ADGRV1: variants seen among roughly 807,000 people sequenced by gnomAD.
ADGRV1 encodes the protein adhesion G protein-coupled receptor V1, also known as G-protein coupled receptor 98.
ADGRV1 carries 359 observed loss-of-function variants against 596.2 expected under a neutral mutation model. That is an observed-to-expected ratio of 0.60 (90% confidence interval 0.55 to 0.66). The LOEUF (loss-of-function observed/expected upper bound fraction) is 0.66, where lower values mean the gene tolerates loss of function less well. Among genes scored for constraint, ADGRV1 ranks in the 30% least tolerant of loss-of-function variants. ADGRV1 has a pLI of 0.00. For missense variants in ADGRV1, 7,274 were observed against 7,575.6 expected (o/e 0.96, Z 1.48); for synonymous variants, 2,681 against 2,679.2 (o/e 1.00, Z -0.02).
At position 90,783,296 on chromosome 5, in the gene ADGRV1, A is replaced by G; in HGVS notation, c.13404A>G (p.Ile4468Met). The G allele has an allele frequency of 6.2e-7, 1 of 1,612,542 alleles. No individual in the cohort carries two copies. The highest frequency in any genetic ancestry group is 8.5e-7 in the Non-Finnish European group (1 of 1,178,774). Residue 4468 changes from isoleucine (I) to methionine (M), a missense_variant, in exon 66 of 90, where the codon ATA becomes ATG. This residue lies in a region of ADGRV1 where 3,643 missense variants were observed against 3,809.2 expected (regional missense o/e 0.96). Coordinates refer to ENST00000405460, the MANE Select transcript of ADGRV1 (RefSeq NM_032119.4). Reference sequence around the variant, plus strand: ...AGCATGGGCAAAACTTAAGTTTTATAAATATCTCCATCATTGATGACAATG... The same window carrying G: ...AGCATGGGCAAAACTTAAGTTTTATGAATATCTCCATCATTGATGACAATG... The part of the protein sequence containing the change: ...TFQHGQNLSF[I>M]NISIIDDNES...
chr5:90,871,888 GA>G (rs1026795725), intron 83 of ADGRV1, among the ~76,000 whole-genome samples: 2 of 152,168 alleles, frequency 1.3e-5, no homozygotes, highest in African/African-American at 4.8e-5. Flanking sequence ...AAAATAATAA[GA>G]ATGCCTGATT....
chr5:90,755,753 A>G (rs1339458494), intron 55 of ADGRV1, among the ~76,000 whole-genome samples: 1 of 150,118 alleles, frequency 6.7e-6, no homozygotes, highest in Non-Finnish European at 1.5e-5. Context: ...GATTAGTGTT[A>G]ATAATATTAT....
chr5:90,652,583 C>T lies in ADGRV1; in HGVS notation c.3634+20C>T, dbSNP rs1232509878. The stretch of plus-strand genomic sequence containing the variant: ...TTTCAGGTACTGTGTTTTTCCATGT[C>T]TTATTTTATTTCCATGTCTTATTTA... On this transcript the variant is annotated intron_variant, in intron 19 of 89. Coordinates refer to ENST00000405460, the MANE Select transcript of ADGRV1 (RefSeq NM_032119.4). 3 of 1,462,916 alleles carry T rather than the reference C, an allele frequency of 2.1e-6. No individual in the cohort carries two copies. Among genetic ancestry groups the T allele is most frequent in the East Asian group, 2.3e-5 (1 of 42,636 alleles). 90.6% of individuals were successfully genotyped at this position (1,462,916 alleles called of 1,614,324 possible).
chr5:90,647,811 A>G (rs755048836), intron 17 of ADGRV1, 47 bp downstream of exon 17: 1 of 1,534,860 alleles, frequency 6.5e-7, no homozygotes, highest in South Asian at 1.2e-5. Context: ...CAGTGCTTTA[A>G]TAAGATGAAA....
chr5:90,738,953 C>G (rs958813624), intron 50 of ADGRV1, among the ~76,000 whole-genome samples: 1 of 152,086 alleles, frequency 6.6e-6, no homozygotes, highest in Admixed American at 6.5e-5. Context: ...GATTGTGTCA[C>G]ATAATTCCTA....
At chr5:91,161,525 T>TC (rs372626430) in intron 89 of ADGRV1, among the ~76,000 whole-genome samples, 13 of 150,650 alleles carry the variant, frequency 8.6e-5, no homozygotes, top group East Asian at 3.9e-4. Context: ...TTTTTTTTTT[T>TC]CAAGAGAAAC....
intron 83 of ADGRV1, among the ~76,000 whole-genome samples, chr5:90,938,604 T>G (rs1311171493): frequency 6.6e-6 from 1 of 152,142 alleles, no homozygotes; most frequent in African/African-American, 2.4e-5. Context: ...TCCCTTTCAC[T>G]CAACACATAT....
chr5:91,076,437 T>G (rs1450615820), intron 86 of ADGRV1, among the ~76,000 whole-genome samples: 2 of 152,192 alleles, frequency 1.3e-5, no homozygotes, highest in African/African-American at 4.8e-5. Context: ...TATTCATCTC[T>G]GTATCCCCAG....
Position 90,788,304 on chromosome 5 carries a change from A to G in ADGRV1, c.13887A>G (p.Thr4629=), listed in dbSNP as rs755350767. 1.0e-4 allele frequency: 169 copies of G among 1,610,434 alleles called. 2 individuals are homozygous for G. The South Asian group carries it at 1.1e-3, about 10-fold the overall frequency. The change falls in exon 68 of 90, where the codon ACA becomes ACG. Residue 4629 remains threonine (T), a synonymous_variant. Coordinates refer to ENST00000405460, the MANE Select transcript of ADGRV1 (RefSeq NM_032119.4). The part of the protein sequence containing the change: ...AKLDSRAKDV[T]LTIQEFGDPN... ...TAGACTCCAGAGCTAAAGATGTTAC[A>G]TTAACCGTATGTATGGCTTTATTTT... is the stretch of plus-strand genomic sequence containing the variant.
At chr5:90,883,631 T>C (rs960105408) in intron 83 of ADGRV1, among the ~76,000 whole-genome samples, 2 of 152,160 alleles carry the variant, frequency 1.3e-5, no homozygotes, top group African/African-American at 4.8e-5. Flanking sequence ...TATTCCTCCT[T>C]CTAACTGCTA....
rs140743705 is a variant in ADGRV1, at chr5:91,005,272, T to C, written c.18152+19750T>C. ...AGAAAAAGACAACGTAAGATACTTA[T>C]GTAAAGAAATTTAACAGAATTTTAA... On this transcript the variant is annotated intron_variant, in intron 85 of 89. Transcript: ENST00000405460. 4.8e-4 allele frequency among the ~76,000 whole-genome samples: 73 copies of C among 152,314 alleles called. 1 individual carries two copies. The East Asian group carries it at 9.6e-3, about 20-fold the overall frequency.
At chr5:90,734,464 G>T (rs1445804718) in intron 50 of ADGRV1, among the ~76,000 whole-genome samples, 1 of 151,776 alleles carries the variant, frequency 6.6e-6, no homozygotes, top group African/African-American at 2.4e-5. Flanking sequence ...TGAGGTGATA[G>T]CTTATTTTGG....
At position 90,646,032 on chromosome 5, in the gene ADGRV1, G is replaced by A. The variant is rs779807154; in HGVS notation, c.2963G>A (p.Gly988Glu). 10 of 1,605,868 alleles carry A rather than the reference G, an allele frequency of 6.2e-6. No individual in the cohort carries two copies. Among genetic ancestry groups the A allele is most frequent in the Non-Finnish European group, 7.7e-6 (9 of 1,175,506 alleles). ...AATGGCACTGGAGGAGCTAAAGTGG[G>A]AAATAGAACAACTGCAACTCTGAGG... The part of the protein sequence containing the change: ...LLNGTGGAKV[G>E]NRTTATLRIR... The change falls in exon 16 of 90, where the codon GGA (glycine) becomes GAA (glutamate). Residue 988 changes from glycine to glutamate, a missense_variant. Gly to Glu is a moderately conservative substitution (Grantham distance 98). This residue lies in a region of ADGRV1 where 1,715 missense variants were observed against 1,708.8 expected (regional missense o/e 1.00). Transcript: ENST00000405460.
In ADGRV1 at chr5:91,164,147, GT is replaced by G. The variant is rs1416845848; in HGVS notation, c.*254del. ...TGTTCATATTCCAAGGATATTAGTT[GT>G]TTTTTTAATCATCCTATATGGCTAA... On this transcript the variant is annotated 3_prime_UTR_variant, in exon 90 of 90. Transcript: ENST00000405460. The G allele has an allele frequency of 9.1e-6, 5 of 549,486 alleles. No homozygotes were observed. Among genetic ancestry groups the G allele is most frequent in the Admixed American group, 2.5e-5 (1 of 40,070 alleles). 34.0% of individuals were successfully genotyped at this position (549,486 alleles called of 1,614,324 possible).
Position 90,777,963 on chromosome 5 carries a change from C to G in ADGRV1, c.12586C>G (p.Pro4196Ala). The G allele has an allele frequency of 6.2e-7, 1 of 1,611,920 alleles. No individual in the cohort carries two copies. The highest frequency in any genetic ancestry group is 8.5e-7 in the Non-Finnish European group (1 of 1,179,002). Residue 4196 changes from proline to alanine, a missense_variant, in exon 62 of 90, where the codon CCT becomes GCT. Around this residue, in one of 5 missense-constraint regions of ADGRV1, gnomAD observed 3,643 missense variants for 3,809.2 expected, o/e 0.96. Coordinates refer to ENST00000405460, the MANE Select transcript of ADGRV1 (RefSeq NM_032119.4). ...CACAGTGTTCTGGAGGATATTCCCTCCTTCCGTGGGGGAATTTGCTGAAAC... is the reference window on the plus strand; with the variant it reads ...CACAGTGTTCTGGAGGATATTCCCTGCTTCCGTGGGGGAATTTGCTGAAAC... The part of the protein sequence containing the change: ...EVTVFWRIFP[P>A]SVGEFAETSG...
chr5:91,014,263 G>C (rs1217811275), intron 85 of ADGRV1, among the ~76,000 whole-genome samples: 1 of 151,778 alleles, frequency 6.6e-6, no homozygotes, highest in Non-Finnish European at 1.5e-5. Flanking sequence ...TTGATGTGCT[G>C]TTGAATATGG....
intron 84 of ADGRV1, among the ~76,000 whole-genome samples, chr5:90,976,871 T>G (rs2151017532): frequency 6.6e-6 from 1 of 152,304 alleles, no homozygotes; most frequent in East Asian, 1.9e-4. Context: ...TGAAATATAA[T>G]CTTTTCTTTT....
rs961256120 is a variant in ADGRV1, at chr5:90,806,146, G to A, written c.14836+688G>A. On this transcript the variant is annotated intron_variant, in intron 72 of 89. Transcript: ENST00000405460. ...ATGATTTTCATTTTCCCAAGATCTC[G>A]GCATCACTGAGAGATAAGAAGGAAT... 6.6e-5 allele frequency among the ~76,000 whole-genome samples: 10 copies of A among 152,108 alleles called. No individual in the cohort carries two copies. In the East Asian group the frequency reaches 7.7e-4, roughly 12 times the overall value.
intron 78 of ADGRV1, among the ~76,000 whole-genome samples, chr5:90,845,562 T>C (rs1180348972): frequency 6.6e-6 from 1 of 152,170 alleles, no homozygotes; most frequent in African/African-American, 2.4e-5. Context: ...ATTTTTGTTT[T>C]TCTGTTGGTA....
Sources: gnomAD v4.1 joint callset for allele counts (sites outside exome capture counted in the v4.1 genomes callset) on GRCh38, gnomAD v4.1.1 for gene constraint, gnomAD v4.1.1 regional missense constraint, MANE v1.5 for transcripts, NCBI Gene and HGNC (gene_info 2026-07-23, HGNC 2026-07-21) for gene names.